SAMD7: variants seen among roughly 807,000 people sequenced by gnomAD.
The protein encoded by SAMD7 is sterile alpha motif domain containing 7, also known as sterile alpha motif domain-containing protein 7.
In SAMD7, 34 loss-of-function variants were observed where a neutral mutation model predicts 36.7. The observed-to-expected ratio is 0.93, with a 90% CI of 0.71 to 1.23. The LOEUF is 1.23. SAMD7 is among the 50% of genes most tolerant of loss of function. SAMD7 has a pLI of 0.00. For missense variants in SAMD7, 570 were observed against 546.6 expected, an observed-to-expected ratio of 1.04 and a Z score of -0.43; for synonymous variants, 188 against 189.7, an observed-to-expected ratio of 0.99 and a Z score of 0.07.
chr3:169,931,343 G>A (rs1713487334), intron 7 of SAMD7, among the ~76,000 whole-genome samples: 1 of 152,156 alleles, frequency 6.6e-6, no homozygotes, highest in Non-Finnish European at 1.5e-5. Flanking sequence ...CTCGCCCCAG[G>A]CCCTGAGTAC....
intron 7 of SAMD7, among the ~76,000 whole-genome samples, chr3:169,931,484 C>T (rs942079065): frequency 6.6e-6 from 1 of 151,980 alleles, no homozygotes; most frequent in Non-Finnish European, 1.5e-5. Context: ...CACTACCACA[C>T]CCAGCTAATT....
At position 169,921,349 on chromosome 3, in the gene SAMD7, T is replaced by C; in HGVS notation, c.211+11T>C. 6.2e-7 allele frequency: 1 copy of C among 1,612,198 alleles called. No individual in the cohort carries two copies. The highest frequency in any genetic ancestry group is 1.3e-5 in the African/African-American group (1 of 75,004). The stretch of plus-strand genomic sequence containing the variant: ...GTCGGATCTACCCAGGTATGAGCAA[T>C]AGAAGTTTGGCTCTCATCTGTGGAG... On this transcript the variant is annotated intron_variant, in intron 4 of 8. Coordinates refer to ENST00000335556, the MANE Select transcript of SAMD7 (RefSeq NM_001304366.2).
chr3:169,914,482 T>G (rs1712720325), intron 1 of SAMD7, among the ~76,000 whole-genome samples: 1 of 152,206 alleles, frequency 6.6e-6, no homozygotes, highest in Non-Finnish European at 1.5e-5. Context: ...CAGATGCCAA[T>G]GACTCATCGT....
In SAMD7 at chr3:169,925,057, G is replaced by T; in HGVS notation, c.212-1G>T. ...GTGGGATGGTGGTTTTCTTTTTTAA[G>T]GTTGGGGCATTTTACCACCTGAATC... is the stretch of plus-strand genomic sequence containing the variant. On this transcript the variant is annotated splice_acceptor_variant, in intron 4 of 8. Transcript: ENST00000335556. LOFTEE classifies it high-confidence loss of function. 6.3e-7 allele frequency: 1 copy of T among 1,599,826 alleles called. No individual in the cohort carries two copies. The highest frequency in any genetic ancestry group is 8.5e-7 in the Non-Finnish European group (1 of 1,172,298).
At chr3:169,912,150 T>C (rs115838781) in intron 1 of SAMD7, among the ~76,000 whole-genome samples, 430 of 152,338 alleles carry the variant, frequency 2.8e-3, no homozygotes, top group Non-Finnish European at 5.0e-3. Context: ...AGTTTTATTA[T>C]CTTCAAACAG....
At chr3:169,917,625 G>GTTTGTTTATTTATTTA (rs148776097) in intron 2 of SAMD7, among the ~76,000 whole-genome samples, 7 of 146,028 alleles carry the variant, frequency 4.8e-5, no homozygotes, top group South Asian at 2.1e-4. Flanking sequence ...TTATTTGTTT[G>GTTTGTTTATTTATTTA]TTTATTTATT....
rs758054843 is a variant in SAMD7, at chr3:169,926,965, C to A, written c.703C>A (p.Gln235Lys). The A allele has an allele frequency of 6.2e-7, 1 of 1,613,992 alleles. No homozygotes were observed. The highest frequency in any genetic ancestry group is 1.1e-5 in the South Asian group (1 of 91,066). ...CCCAGACATTGAAGCACCCAGCAAC[C>A]AGAAGTCAAGTGAAACGAATGAAAA... ...KDPDIEAPSN[Q>K]KSSETNEKPT... Residue 235 changes from glutamine to lysine, a missense_variant, in exon 6 of 9, where the codon CAG becomes AAG. Coordinates refer to ENST00000335556, the MANE Select transcript of SAMD7 (RefSeq NM_001304366.2).
chr3:169,935,394 A>G (rs1713682296), intron 7 of SAMD7, among the ~76,000 whole-genome samples: 1 of 152,190 alleles, frequency 6.6e-6, no homozygotes, highest in African/African-American at 2.4e-5. Context: ...TAAATGGTGG[A>G]GAGACCTCTC....
intron 1 of SAMD7, among the ~76,000 whole-genome samples, chr3:169,912,706 G>A (rs1712650879): frequency 6.6e-6 from 1 of 152,202 alleles, no homozygotes; most frequent in South Asian, 2.1e-4. Flanking sequence ...ACAGCAGCCA[G>A]CACGTAACCC....
intron 4 of SAMD7, among the ~76,000 whole-genome samples, chr3:169,924,015 T>A (rs1795216): frequency 0.32 from 48,571 of 151,766 alleles, 8,016 homozygotes; most frequent in African/African-American, 0.41. Context: ...TAGACTGGAC[T>A]TCTTGCACAG....
rs1415089516 is a variant in SAMD7, at chr3:169,926,649, C to T, written c.387C>T (p.Gly129=). Residue 129 remains glycine (G), a synonymous_variant, in exon 6 of 9, where the codon GGC becomes GGT. Transcript: ENST00000335556. ...LAGLGIPFLY[G]SSVPAAPAAY... is the part of the protein sequence containing the mutation. ...GCCTAGGGATACCCTTCCTCTATGGCTCCAGTGTCCCAGCTGCCCCCGCTG... is the reference window on the plus strand; with the variant it reads ...GCCTAGGGATACCCTTCCTCTATGGTTCCAGTGTCCCAGCTGCCCCCGCTG... 6.2e-7 allele frequency: 1 copy of T among 1,614,052 alleles called. No homozygotes were observed.
At position 169,913,658 on chromosome 3, in the gene SAMD7, T is replaced by G. The variant is rs141504300; in HGVS notation, c.-116-1709T>G. On this transcript the variant is annotated intron_variant, in intron 1 of 8. Transcript: ENST00000335556. ...ACCACTGCACTCCCTCACTTTGGGA[T>G]TACCAGACACGCTCTGCACTGAAAA... 7.7e-4 allele frequency among the ~76,000 whole-genome samples: 118 copies of G among 152,306 alleles called. No individual in the cohort carries two copies. The East Asian group carries it at 0.019, about 24-fold the overall frequency.
At chr3:169,921,154 T>C in intron 3 of SAMD7, 60 bp from the exon 4 acceptor site, 1 of 1,496,222 alleles carries the variant, frequency 6.7e-7, no homozygotes, top group Non-Finnish European at 9.3e-7. Flanking sequence ...GTCTCAGCCA[T>C]GGAAATTGTG....
At chr3:169,918,917 C>A (rs1376196558) in intron 2 of SAMD7, among the ~76,000 whole-genome samples, 1 of 152,100 alleles carries the variant, frequency 6.6e-6, no homozygotes, top group Non-Finnish European at 1.5e-5. Flanking sequence ...GAGGCTGAGG[C>A]GGGTGGATCA....
intron 4 of SAMD7, 106 bp from the exon 5 acceptor site, chr3:169,924,952 T>TG (rs1176160480): frequency 2.1e-5 from 16 of 749,546 alleles, no homozygotes; most frequent in Non-Finnish European, 3.0e-5. Context: ...CTGGTTTGTT[T>TG]TTTTTTTTTC....
At chr3:169,933,790 C>T (rs994937205) in intron 7 of SAMD7, among the ~76,000 whole-genome samples, 2 of 152,194 alleles carry the variant, frequency 1.3e-5, no homozygotes, top group Non-Finnish European at 2.9e-5. Context: ...TCATGGCACT[C>T]ATAGTCCAGA....
At chr3:169,924,828 G>A (rs1231973366) in intron 4 of SAMD7, among the ~76,000 whole-genome samples, 1 of 152,080 alleles carries the variant, frequency 6.6e-6, no homozygotes, top group East Asian at 1.9e-4. Flanking sequence ...CCAGTCATGA[G>A]ACCAACAATT....
chr3:169,937,772 C>A (rs1417813368), intron 8 of SAMD7, among the ~76,000 whole-genome samples: 1 of 152,128 alleles, frequency 6.6e-6, no homozygotes, highest in East Asian at 1.9e-4. Flanking sequence ...GGGTAAATAG[C>A]CAGTAATGGG....
chr3:169,923,256 C>T (rs1298522055), intron 4 of SAMD7, among the ~76,000 whole-genome samples: 2 of 152,124 alleles, frequency 1.3e-5, no homozygotes, highest in African/African-American at 4.8e-5. Flanking sequence ...CCACAGGTCA[C>T]GAATCCATTT....
Sources: gnomAD v4.1 joint callset for allele counts (sites outside exome capture counted in the v4.1 genomes callset) on GRCh38, gnomAD v4.1.1 for gene constraint, MANE v1.5 for transcripts, NCBI Gene and HGNC (gene_info 2026-07-23, HGNC 2026-07-21) for gene names.